USP6: variants seen among roughly 807,000 people sequenced by gnomAD.
USP6 encodes ubiquitin specific peptidase 6.
Under a neutral mutation model 175.7 loss-of-function variants are expected in USP6, and 128 were observed. The observed-to-expected ratio is 0.73, with a 90% CI of 0.63 to 0.84. The LOEUF (loss-of-function observed/expected upper bound fraction) is 0.84. Among genes scored for constraint, USP6 ranks in the 40% least tolerant of loss-of-function variants. The pLI, the probability that USP6 is intolerant of heterozygous loss-of-function variation, is 0.00. For synonymous variants in USP6, 562 were observed against 630.6 expected, an observed-to-expected ratio of 0.89 and a Z score of 1.63; for missense variants, 1,498 against 1,760.3, an observed-to-expected ratio of 0.85 and a Z score of 2.67.
At chr17:5,139,886 T>G (rs754265951) in intron 22 of USP6, among the ~76,000 whole-genome samples, 1 of 152,196 alleles carries the variant, frequency 6.6e-6, no homozygotes, top group Non-Finnish European at 1.5e-5. Context: ...CCAGGGCTCA[T>G]GGCTGGATAA....
chr17:5,148,064 A>T (rs926274986), intron 29 of USP6, among the ~76,000 whole-genome samples: 1 of 152,104 alleles, frequency 6.6e-6, no homozygotes, highest in Non-Finnish European at 1.5e-5. Context: ...TCTTTTGTAG[A>T]GATGGGTTTT....
At chr17:5,128,050 A>T (rs1363485393) in intron 7 of USP6, among the ~76,000 whole-genome samples, 5 of 151,952 alleles carry the variant, frequency 3.3e-5, no homozygotes, top group Admixed American at 3.3e-4. Context: ...GATCAGGGGG[A>T]CCCTGCACTG....
chr17:5,134,643 C>T (rs138542685), intron 15 of USP6: 9,683 of 173,088 alleles, frequency 0.056, 342 homozygotes, highest in East Asian at 0.13. Context: ...TCCCTTCAAA[C>T]GGAAGACCCA....
chr17:5,150,335 TA>T (rs749039925), intron 30 of USP6, among the ~76,000 whole-genome samples: 4 of 139,284 alleles, frequency 2.9e-5, no homozygotes, highest in East Asian at 2.1e-4. Flanking sequence ...AATAAATAAA[TA>T]AAATAAAGTA....
chr17:5,148,695 G>C lies in USP6; in HGVS notation c.2571G>C (p.Met857Ile). The C allele has an allele frequency of 6.2e-7, 1 of 1,613,894 alleles. No individual in the cohort carries two copies. The part of the protein sequence containing the change: ...CGTEKNFTNG[M>I]VNGHMPSLPD... The stretch of plus-strand genomic sequence containing the variant: ...CTGAGAAGAACTTCACAAATGGAAT[G>C]GTTAATGGTCACATGCCATCTCTTC... Residue 857 changes from methionine (M) to isoleucine (I), a missense_variant, in exon 30 of 38, where the codon ATG (methionine) becomes ATC (isoleucine). Transcript: ENST00000574788.
intron 31 of USP6, among the ~76,000 whole-genome samples, chr17:5,159,035 A>G (rs970284948): frequency 2.0e-5 from 3 of 152,188 alleles, no homozygotes; most frequent in African/African-American, 7.2e-5. Context: ...ATAGTTCTCA[A>G]CTTCTTGAGT....
chr17:5,118,845 A>G (rs891309188), intron 2 of USP6, among the ~76,000 whole-genome samples: 2 of 152,188 alleles, frequency 1.3e-5, no homozygotes, highest in Admixed American at 6.5e-5. Flanking sequence ...TCTCTCATCT[A>G]CTGACTGAGT....
At chr17:5,138,345 C>T in intron 21 of USP6, 72 bp downstream of exon 21, 3 of 1,602,684 alleles carry the variant, frequency 1.9e-6, no homozygotes, top group South Asian at 1.1e-5. Flanking sequence ...TGCCCCGGAC[C>T]AGCAACCCTA....
chr17:5,118,613 T>G (rs1196041558), intron 2 of USP6, among the ~76,000 whole-genome samples: 2 of 152,106 alleles, frequency 1.3e-5, no homozygotes, highest in Admixed American at 1.3e-4. Context: ...AAAGGGTGAG[T>G]GTGACAGCCT....
rs2073025015 is a variant in USP6 at position 5,130,376 on chromosome 17, G to A, written c.9G>A (p.Met3Ile). MD[M>I]VENADSLQAQ... ...CAATTTTGTCTCACAGGATGGACAT[G>A]GTAGAGAATGCAGATAGTTTGCAGG... is the stretch of plus-strand genomic sequence containing the variant. Residue 3 changes from methionine (M) to isoleucine (I), a missense_variant, in exon 10 of 38, where the codon ATG becomes ATA. Around this residue, in one of 2 missense-constraint regions of USP6, gnomAD observed 281 missense variants for 259.6 expected, o/e 1.08. Coordinates refer to ENST00000574788, the MANE Select transcript of USP6 (RefSeq NM_001304284.2). The A allele has an allele frequency of 6.2e-7, 1 of 1,614,022 alleles. No homozygotes were observed. Among genetic ancestry groups the A allele is most frequent in the South Asian group, 1.1e-5 (1 of 91,086 alleles).
intron 35 of USP6, 85 bp downstream of exon 35, chr17:5,169,140 A>G: frequency 1.4e-6 from 2 of 1,424,624 alleles, no homozygotes; most frequent in Non-Finnish European, 1.9e-6. Flanking sequence ...CTGGAACATC[A>G]GGTTGGTTGG....
At chr17:5,135,004 T>C (rs1292373953) in intron 15 of USP6, 3 of 472,374 alleles carry the variant, frequency 6.4e-6, no homozygotes, top group South Asian at 2.0e-5. Context: ...AAAAAAAAAA[T>C]CATTCAGCGT....
chr17:5,133,135 G>A, intron 13 of USP6, 145 bp downstream of exon 13: 1 of 1,027,920 alleles, frequency 9.7e-7, no homozygotes, highest in Non-Finnish European at 1.4e-6. Context: ...CTGGTCACCA[G>A]ATTGCCTGCC....
chr17:5,121,987 T>A (rs373220946), intron 4 of USP6, among the ~76,000 whole-genome samples: 2 of 151,704 alleles, frequency 1.3e-5, no homozygotes, highest in East Asian at 1.9e-4. Flanking sequence ...GATTTGGAGC[T>A]GAAGAGGGGA....
intron 25 of USP6, among the ~76,000 whole-genome samples, chr17:5,143,994 A>G (rs188300031): frequency 4.6e-5 from 7 of 152,264 alleles, no homozygotes; most frequent in African/African-American, 1.7e-4. Flanking sequence ...TTAATATCAC[A>G]TGTAGTAGAT....
intron 6 of USP6, chr17:5,126,827 C>G (rs1389922774): frequency 6.6e-6 from 1 of 152,304 alleles, no homozygotes; most frequent in Non-Finnish European, 1.5e-5. Flanking sequence ...ACCTTGGTCC[C>G]CCACCTCCCA....
In USP6 at chr17:5,137,159, C is replaced by G; in HGVS notation, c.798C>G (p.Gly266=). The change falls in exon 19 of 38, where the codon GGC becomes GGG. Residue 266 remains glycine, a synonymous_variant. Coordinates refer to ENST00000574788, the MANE Select transcript of USP6 (RefSeq NM_001304284.2). ...TATGCGGGCAGTGTGCCTCGTTAGG[C>G]TGCCTTCTCCGGAACCTGATTGACG... ...EGLCGQCASL[G]CLLRNLIDGI... is the part of the protein sequence containing the mutation. 1 of 1,613,406 alleles carries G rather than the reference C, an allele frequency of 6.2e-7. No individual in the cohort carries two copies. The highest frequency in any genetic ancestry group is 2.2e-5 in the East Asian group (1 of 44,860).
chr17:5,157,482 T>C (rs762529946), intron 31 of USP6, among the ~76,000 whole-genome samples: 23 of 152,330 alleles, frequency 1.5e-4, no homozygotes, highest in Non-Finnish European at 3.1e-4. Context: ...AGTTAATGAA[T>C]GTTTTGTTTA....
intron 30 of USP6, among the ~76,000 whole-genome samples, chr17:5,152,241 C>CAA (rs61685863): frequency 0.037 from 3,302 of 90,078 alleles, 129 homozygotes; most frequent in African/African-American, 0.12. Flanking sequence ...GACTCCGTCT[C>CAA]AAAAAAAAAA....
Sources: allele counts gnomAD v4.1 joint callset (sites outside exome capture counted in the v4.1 genomes callset), GRCh38; gene constraint gnomAD v4.1.1; regional missense constraint gnomAD v4.1.1; transcripts MANE v1.5; gene names NCBI Gene and HGNC (gene_info 2026-07-23, HGNC 2026-07-21).